The following SEMA3E variants were observed in gnomAD, a reference collection of about 807,000 sequenced individuals.
SEMA3E encodes semaphorin 3E.
SEMA3E carries 49 observed loss-of-function variants against 93.6 expected under a neutral mutation model. The observed-to-expected ratio is 0.52, with a 90% confidence interval of 0.42 to 0.66. The LOEUF is 0.66. Among genes scored for constraint, SEMA3E ranks in the 30% least tolerant of loss-of-function variants. The pLI, the probability that SEMA3E is intolerant of heterozygous loss-of-function variation, is 0.00. For missense variants in SEMA3E, 906 were observed against 964.8 expected (o/e 0.94, Z 0.81); for synonymous variants, 363 against 330.7 (o/e 1.10, Z -1.06).
At chr7:83,439,319 C>T (rs1305794832) in intron 4 of SEMA3E, among the ~76,000 whole-genome samples, 23 of 152,124 alleles carry the variant, frequency 1.5e-4, no homozygotes, top group African/African-American at 2.4e-5. Flanking sequence ...TGGACAGCTG[C>T]GAGGGAAAGG....
rs1284317410 is a variant in SEMA3E, at chr7:83,363,868, T to TCTTTTTTTTTTTTC, written c.*3717_*3718insGAAAAAAAAAAAAG. 4 of 8,948 alleles carry TCTTTTTTTTTTTTC rather than the reference T, an allele frequency of 4.5e-4. No individual in the cohort carries two copies. Among genetic ancestry groups the TCTTTTTTTTTTTTC allele is most frequent in the African/African-American group, 6.8e-4 (4 of 5,880 alleles). The allele number at this position is 8,948 out of a possible 1,614,324, so 0.6% of individuals were successfully genotyped here. On this transcript the variant is annotated 3_prime_UTR_variant, in exon 17 of 17. Coordinates refer to ENST00000643230, the MANE Select transcript of SEMA3E (RefSeq NM_012431.3). ...GTGTCACAGGTCAATTCATTTTTTT[T>TCTTTTTTTTTTTTC]TTTTTTTTTTTTTTTTTTTTTTTTT... is the stretch of plus-strand genomic sequence containing the variant.
At chr7:83,463,170 A>G (rs950312221) in intron 4 of SEMA3E, among the ~76,000 whole-genome samples, 9 of 82,510 alleles carry the variant, frequency 1.1e-4, no homozygotes, top group African/African-American at 2.5e-4. Context: ...AGCACCTTCT[A>G]CAAAACAACA....
intron 1 of SEMA3E, among the ~76,000 whole-genome samples, chr7:83,637,967 C>T (rs964076276): frequency 1.2e-4 from 19 of 152,096 alleles, no homozygotes; most frequent in African/African-American, 4.6e-4. Context: ...CACATGGTCA[C>T]TTTACCTATT....
In SEMA3E at chr7:83,441,093, A is replaced by C. The variant is rs548301507; in HGVS notation, c.457-22610T>G. ...GATTAAAAAGCATGTAAAAACAGTA[A>C]GGAAGTTAGTGATAGCAGTCAAAGA... On this transcript the variant is annotated intron_variant, in intron 4 of 16. Transcript: ENST00000643230. Among the ~76,000 whole-genome samples, 5 of 152,328 alleles carry C rather than the reference A, an allele frequency of 3.3e-5. No individual in the cohort carries two copies. The South Asian group carries it at 1.0e-3, about 32-fold the overall frequency.
chr7:83,381,430 C>A (rs1381463466), intron 16 of SEMA3E, among the ~76,000 whole-genome samples: 4 of 151,962 alleles, frequency 2.6e-5, no homozygotes, highest in East Asian at 3.9e-4. Context: ...TATGCCCTCA[C>A]TTTTTTCAGA....
rs554354391 is a variant in SEMA3E at position 83,482,270 on chromosome 7, G to C, written c.276+7844C>G. ...GAAAGTGGCTGTGATAATAAGCACA[G>C]TAAGATTTGCAAGAGGCCAGGCGCA... On this transcript the variant is annotated intron_variant, in intron 2 of 16. Coordinates refer to ENST00000643230, the MANE Select transcript of SEMA3E (RefSeq NM_012431.3). 3.9e-5 allele frequency among the ~76,000 whole-genome samples: 6 copies of C among 152,152 alleles called. No individual in the cohort carries two copies. In the East Asian group the frequency reaches 1.2e-3, roughly 29 times the overall value.
intron 2 of SEMA3E, among the ~76,000 whole-genome samples, chr7:83,471,284 A>G (rs1037208650): frequency 1.3e-5 from 2 of 148,886 alleles, no homozygotes; most frequent in African/African-American, 2.5e-5. Context: ...TTAGCTGCTC[A>G]ATCAAATCTC....
rs1455323942 is a variant in SEMA3E at position 83,617,548 on chromosome 7, T to TAAA, written c.115+30879_115+30880insTTT. On this transcript the variant is annotated intron_variant, in intron 1 of 16. Coordinates refer to ENST00000643230, the MANE Select transcript of SEMA3E (RefSeq NM_012431.3). ...TTATATAAATTTTATATAAGTAATA[T>TAAA]ATAATTTTATATAAATTTTATATAA... is the stretch of plus-strand genomic sequence containing the variant. Among the ~76,000 whole-genome samples the TAAA allele has an allele frequency of 1.2e-3, 171 of 146,338 alleles. 10 individuals carry two copies. The highest frequency in any genetic ancestry group is 3.3e-3 in the Admixed American group (48 of 14,620).
intron 1 of SEMA3E, among the ~76,000 whole-genome samples, chr7:83,618,791 A>T (rs1369159470): frequency 6.6e-6 from 1 of 151,950 alleles, no homozygotes; most frequent in Non-Finnish European, 1.5e-5. Flanking sequence ...AAATACAATA[A>T]AATTGGGGCT....
intron 4 of SEMA3E, among the ~76,000 whole-genome samples, chr7:83,439,507 A>G (rs1416090935): frequency 6.6e-6 from 1 of 152,236 alleles, no homozygotes; most frequent in Non-Finnish European, 1.5e-5. Flanking sequence ...GGGAGAGGAG[A>G]AAATGTACCT....
intron 4 of SEMA3E, among the ~76,000 whole-genome samples, chr7:83,419,581 C>T (rs1034482957): frequency 6.6e-6 from 1 of 152,130 alleles, no homozygotes; most frequent in South Asian, 2.1e-4. Context: ...TCTCCACAGC[C>T]TCTCTGACAT....
intron 16 of SEMA3E, among the ~76,000 whole-genome samples, chr7:83,373,389 TAC>T (rs1285453331): frequency 6.6e-6 from 1 of 152,140 alleles, no homozygotes; most frequent in Non-Finnish European, 1.5e-5. Context: ...ACCAATTTTA[TAC>T]ATATACACAC....
chr7:83,530,223 G>C (rs1461313690), intron 1 of SEMA3E, among the ~76,000 whole-genome samples: 1 of 152,084 alleles, frequency 6.6e-6, no homozygotes, highest in Non-Finnish European at 1.5e-5. Flanking sequence ...CAATAACCCT[G>C]TGAGTAGGTA....
At chr7:83,599,552 A>T (rs1166733225) in intron 1 of SEMA3E, among the ~76,000 whole-genome samples, 2 of 152,222 alleles carry the variant, frequency 1.3e-5, no homozygotes, top group Non-Finnish European at 2.9e-5. Flanking sequence ...TTTTGTTAAC[A>T]TAAGTATGAA....
intron 8 of SEMA3E, 40 bp from the exon 9 acceptor site, chr7:83,405,559 G>C (rs996334294): frequency 6.5e-7 from 1 of 1,544,130 alleles, no homozygotes. Flanking sequence ...AGTATTTTTA[G>C]CTCTCTTTGC....
In SEMA3E at chr7:83,604,580, C is replaced by CAT. The variant is rs1228570988; in HGVS notation, c.115+43846_115+43847dup. 3.0e-4 allele frequency among the ~76,000 whole-genome samples: 45 copies of CAT among 149,134 alleles called. 1 individual carries two copies. The highest frequency in any genetic ancestry group is 1.2e-3 in the East Asian group (6 of 5,072). On this transcript the variant is annotated intron_variant, in intron 1 of 16. Coordinates refer to ENST00000643230, the MANE Select transcript of SEMA3E (RefSeq NM_012431.3). The stretch of plus-strand genomic sequence containing the variant: ...TACATACAACTGGTATATAACCCAA[C>CAT]ATATATATATATACACACACACATA...
chr7:83,443,401 A>G (rs1789158901), intron 4 of SEMA3E, among the ~76,000 whole-genome samples: 1 of 152,196 alleles, frequency 6.6e-6, no homozygotes, highest in Non-Finnish European at 1.5e-5. Flanking sequence ...GAACTGGCTT[A>G]GGTCACAGAA....
intron 4 of SEMA3E, among the ~76,000 whole-genome samples, chr7:83,425,966 G>GA (rs1256235880): frequency 6.6e-6 from 1 of 151,700 alleles, no homozygotes; most frequent in Middle Eastern, 3.2e-3. Context: ...ACAACCATAT[G>GA]AAAAAAAGCT....
At chr7:83,594,230 G>A (rs1190088871) in intron 1 of SEMA3E, among the ~76,000 whole-genome samples, 1 of 152,116 alleles carries the variant, frequency 6.6e-6, no homozygotes, top group Non-Finnish European at 1.5e-5. Flanking sequence ...CAGTGTGTAA[G>A]AAGGTGAAGT....
Sources: gnomAD v4.1 joint callset for allele counts (sites outside exome capture counted in the v4.1 genomes callset) on GRCh38, gnomAD v4.1.1 for gene constraint, MANE v1.5 for transcripts, NCBI Gene and HGNC (gene_info 2026-07-23, HGNC 2026-07-21) for gene names.